The following CEP112 variants were observed in gnomAD, a reference collection of about 807,000 sequenced individuals.
CEP112 encodes the protein centrosomal protein of 112 kDa.
Under a neutral mutation model 153.0 loss-of-function variants are expected in CEP112, and 127 were observed. The ratio of observed to expected loss-of-function variants is 0.83; its 90% CI spans 0.72 to 0.96. The LOEUF (loss-of-function observed/expected upper bound fraction) is 0.96. Among genes scored for constraint, CEP112 ranks in the 40% least tolerant of loss-of-function variants. CEP112 has a pLI of 0.00. For missense variants in CEP112, 1,089 were observed against 1,101.2 expected (o/e 0.99, Z 0.16); for synonymous variants, 358 against 374.4 (o/e 0.96, Z 0.51).
intron 4 of CEP112, among the ~76,000 whole-genome samples, chr17:66,166,941 G>A (rs972573622): frequency 1.2e-4 from 18 of 149,882 alleles, no homozygotes; most frequent in Non-Finnish European, 1.9e-4. Flanking sequence ...TACTTAGGCA[G>A]CTTCAAATAT....
chr17:66,167,715 T>C (rs963122681), intron 4 of CEP112, among the ~76,000 whole-genome samples: 2 of 152,230 alleles, frequency 1.3e-5, no homozygotes, highest in African/African-American at 4.8e-5. Flanking sequence ...AACATGGGTG[T>C]GAAATCATAA....
chr17:66,029,293 A>C, intron 13 of CEP112, 41 bp from the exon 14 acceptor site: 1 of 1,558,906 alleles, frequency 6.4e-7, no homozygotes, highest in Admixed American at 1.9e-5. Context: ...ATGTATTTAA[A>C]ACCAATCTCT....
chr17:66,101,128 A>T (rs1034072330), intron 6 of CEP112, among the ~76,000 whole-genome samples: 1 of 152,124 alleles, frequency 6.6e-6, no homozygotes, highest in Non-Finnish European at 1.5e-5. Flanking sequence ...AATATTTTTT[A>T]AAAATTCTCT....
rs2068918067 is a variant in CEP112 at position 66,109,292 on chromosome 17, G to T, written c.643-12660C>A. 1.3e-5 allele frequency among the ~76,000 whole-genome samples: 2 copies of T among 152,102 alleles called. 1 individual carries two copies. The highest frequency in any genetic ancestry group is 4.8e-5 in the African/African-American group (2 of 41,430). On this transcript the variant is annotated intron_variant, in intron 6 of 26. Transcript: ENST00000535342. ...TAATTGGATTGTTTGTAACACAAATGAAGGATCGATGTTTGAGATGACAGA... is the reference window on the plus strand; with the variant it reads ...TAATTGGATTGTTTGTAACACAAATTAAGGATCGATGTTTGAGATGACAGA...
intron 6 of CEP112, among the ~76,000 whole-genome samples, chr17:66,097,881 A>G (rs1379798559): frequency 6.6e-6 from 1 of 152,230 alleles, no homozygotes; most frequent in Non-Finnish European, 1.5e-5. Context: ...TACTACATGG[A>G]TAATCTCACA....
intron 21 of CEP112, among the ~76,000 whole-genome samples, chr17:65,825,923 A>G (rs1421028): frequency 0.17 from 25,233 of 152,000 alleles, 2,766 homozygotes; most frequent in South Asian, 0.35. Flanking sequence ...CAGATGTCAG[A>G]CACCTCCCTG....
Position 66,096,336 on chromosome 17 carries a change from A to G in CEP112, c.691-8T>C, listed in dbSNP as rs2068343486. The G allele has an allele frequency of 3.1e-6, 5 of 1,611,010 alleles. No homozygotes were observed. Among genetic ancestry groups the G allele is most frequent in the Non-Finnish European group, 3.4e-6 (4 of 1,177,854 alleles). The stretch of plus-strand genomic sequence containing the variant: ...GCTGAATTTCGGTGTCATCTGCTAA[A>G]TGAACAGGAGTTATTTAACATGTTT... On this transcript the variant is annotated splice_polypyrimidine_tract_variant and splice_region_variant and intron_variant, in intron 7 of 26. Transcript: ENST00000535342.
chr17:65,834,464 C>A (rs1021418529), intron 21 of CEP112, among the ~76,000 whole-genome samples: 10 of 152,040 alleles, frequency 6.6e-5, no homozygotes, highest in African/African-American at 2.4e-4. Context: ...TAACAAAGGT[C>A]TAATATCCAG....
chr17:65,700,255 G>A (rs1464538014), intron 23 of CEP112, among the ~76,000 whole-genome samples: 1 of 152,184 alleles, frequency 6.6e-6, no homozygotes, highest in Non-Finnish European at 1.5e-5. Context: ...CATATCGCAT[G>A]TACCAGACGT....
At chr17:65,757,625 GAATACGAGT>G (rs2052365840) in intron 21 of CEP112, among the ~76,000 whole-genome samples, 1 of 152,186 alleles carries the variant, frequency 6.6e-6, no homozygotes, top group Non-Finnish European at 1.5e-5. Context: ...ATACTTTAGA[GAATACGAGT>G]AACCAAAGGA....
chr17:66,052,187 C>T (rs1321374377), intron 12 of CEP112, among the ~76,000 whole-genome samples: 1 of 152,194 alleles, frequency 6.6e-6, no homozygotes, highest in East Asian at 1.9e-4. Flanking sequence ...ATATGCATCA[C>T]TTTAAGTACC....
chr17:66,112,121 T>C (rs1177252142), intron 6 of CEP112, among the ~76,000 whole-genome samples: 2 of 151,760 alleles, frequency 1.3e-5, no homozygotes, highest in East Asian at 3.9e-4. Context: ...TAAAACCCCA[T>C]CTCTACCGAA....
chr17:65,900,707 A>G (rs1363858736), intron 20 of CEP112, among the ~76,000 whole-genome samples: 1 of 152,190 alleles, frequency 6.6e-6, no homozygotes, highest in Admixed American at 6.5e-5. Flanking sequence ...AAGGTTTAAC[A>G]TCATATTTGA....
chr17:65,942,202 G>A (rs927689318), intron 18 of CEP112, among the ~76,000 whole-genome samples: 7 of 152,094 alleles, frequency 4.6e-5, no homozygotes, highest in South Asian at 2.1e-4. Context: ...TCACAGGAGC[G>A]TGAACCCTAT....
At chr17:65,940,533 A>G (rs765628604) in intron 18 of CEP112, among the ~76,000 whole-genome samples, 1 of 152,192 alleles carries the variant, frequency 6.6e-6, no homozygotes, top group Non-Finnish European at 1.5e-5. Context: ...TGGCATGTAT[A>G]TATCTTGGAA....
intron 18 of CEP112, chr17:65,941,430 C>G (rs1568266679): frequency 6.6e-6 from 1 of 151,986 alleles, no homozygotes; most frequent in Admixed American, 6.5e-5. Flanking sequence ...AAACAAAATG[C>G]ATGTTATTTT....
intron 21 of CEP112, among the ~76,000 whole-genome samples, chr17:65,842,594 C>A (rs2057562141): frequency 6.6e-6 from 1 of 152,096 alleles, no homozygotes; most frequent in Non-Finnish European, 1.5e-5. Flanking sequence ...TGTAAATACT[C>A]AAGCATTAAT....
At chr17:65,902,420 T>G (rs1411036724) in intron 19 of CEP112, 86 bp from the exon 20 acceptor site, 1 of 1,116,228 alleles carries the variant, frequency 9.0e-7, no homozygotes, top group African/African-American at 1.6e-5. Context: ...TTTCTCTAAT[T>G]TGTCCAAGTT....
At chr17:66,139,771 T>C (rs1310325927) in intron 4 of CEP112, among the ~76,000 whole-genome samples, 1 of 152,002 alleles carries the variant, frequency 6.6e-6, no homozygotes, top group African/African-American at 2.4e-5. Flanking sequence ...CAATAACTAG[T>C]AAGGAAACTG....
Sources: gnomAD v4.1 joint callset for allele counts (sites outside exome capture counted in the v4.1 genomes callset) on GRCh38, gnomAD v4.1.1 for gene constraint, MANE v1.5 for transcripts, NCBI Gene and HGNC (gene_info 2026-07-23, HGNC 2026-07-21) for gene names.